The following ATP6V1E1 variants were observed in gnomAD, a reference collection of about 807,000 sequenced individuals.
ATP6V1E1 encodes V-type proton ATPase subunit E 1.
Under a neutral mutation model 35.2 loss-of-function variants are expected in ATP6V1E1, and 21 were observed. The observed-to-expected ratio is 0.60, with a 90% CI of 0.42 to 0.86. ATP6V1E1 has a LOEUF of 0.86. ATP6V1E1 is among the 40% of genes least tolerant of loss of function. The pLI is 0.00. For synonymous variants in ATP6V1E1, 83 were observed against 87.8 expected, an observed-to-expected ratio of 0.95 and a Z score of 0.30; for missense variants, 183 against 272.6, an observed-to-expected ratio of 0.67 and a Z score of 2.32.
In ATP6V1E1 at chr22:17,592,597, C is replaced by T. The variant is rs891312316; in HGVS notation, c.*77G>A. On this transcript the variant is annotated 3_prime_UTR_variant, in exon 9 of 9. Transcript: ENST00000253413. ...GGCAGTGAAGAGGAAGCTACAGAGACATTCGTGTTTCTTCAAATATCAGAA... is the reference window on the plus strand; with the variant it reads ...GGCAGTGAAGAGGAAGCTACAGAGATATTCGTGTTTCTTCAAATATCAGAA... The T allele has an allele frequency of 2.1e-6, 3 of 1,424,674 alleles. No individual in the cohort carries two copies. The highest frequency in any genetic ancestry group is 2.0e-6 in the Non-Finnish European group (2 of 1,008,842). 88.3% of individuals were successfully genotyped at this position (1,424,674 alleles called of 1,614,324 possible). A position where few individuals can be genotyped will look rare whatever the true frequency, so the allele number is the denominator to read the frequency against.
At chr22:17,613,359 G>A in intron 2 of ATP6V1E1, 39 bp from the exon 3 acceptor site, 1 of 1,561,524 alleles carries the variant, frequency 6.4e-7, no homozygotes, top group South Asian at 1.1e-5. Context: ...ATTACATCAA[G>A]TTTTGATTAA....
chr22:17,627,301 G>T (rs2057916149), intron 1 of ATP6V1E1, among the ~76,000 whole-genome samples: 1 of 150,602 alleles, frequency 6.6e-6, no homozygotes, highest in African/African-American at 2.4e-5. Context: ...CTAATTTTTT[G>T]TATTTTTAAT....
chr22:17,596,550 C>T (rs5992750), intron 7 of ATP6V1E1, among the ~76,000 whole-genome samples: 15,777 of 151,990 alleles, frequency 0.1, 2,024 homozygotes, highest in African/African-American at 0.3. Flanking sequence ...CAATCTTGAA[C>T]TTTCCAGCCA....
chr22:17,601,652 G>C (rs573949048), intron 4 of ATP6V1E1, among the ~76,000 whole-genome samples: 214 of 152,308 alleles, frequency 1.4e-3, no homozygotes, highest in African/African-American at 5.0e-3. Flanking sequence ...TTCTAACCCA[G>C]GCTGGAGTGC....
chr22:17,624,671 A>G (rs996379350), intron 1 of ATP6V1E1, among the ~76,000 whole-genome samples: 1 of 152,044 alleles, frequency 6.6e-6, no homozygotes, highest in African/African-American at 2.4e-5. Flanking sequence ...ATACAAAAAA[A>G]TTATCCGGGT....
At chr22:17,619,079 G>C (rs1324338914) in intron 2 of ATP6V1E1, 2 of 456,032 alleles carry the variant, frequency 4.4e-6, no homozygotes, top group Non-Finnish European at 8.7e-6. Flanking sequence ...GGATCACAAG[G>C]TCAAGAGATT....
At chr22:17,619,980 T>C (rs183970635) in intron 1 of ATP6V1E1, among the ~76,000 whole-genome samples, 24 of 152,262 alleles carry the variant, frequency 1.6e-4, no homozygotes, top group Non-Finnish European at 1.9e-4. Context: ...TATCTATACT[T>C]ACTCTTTCAA....
At chr22:17,610,536 C>A (rs1482617529) in intron 4 of ATP6V1E1, among the ~76,000 whole-genome samples, 1 of 152,134 alleles carries the variant, frequency 6.6e-6, no homozygotes, top group Non-Finnish European at 1.5e-5. Flanking sequence ...AAATAAAAAA[C>A]CTAATTATAA....
At chr22:17,627,887 T>C (rs1440865377) in intron 1 of ATP6V1E1, among the ~76,000 whole-genome samples, 3 of 150,376 alleles carry the variant, frequency 2.0e-5, no homozygotes, top group Admixed American at 2.0e-4. Flanking sequence ...AAAACACTGG[T>C]TGGAAGCAGG....
At chr22:17,625,951 A>G (rs2057902180) in intron 1 of ATP6V1E1, among the ~76,000 whole-genome samples, 2 of 151,922 alleles carry the variant, frequency 1.3e-5, no homozygotes, top group South Asian at 4.1e-4. Flanking sequence ...TTTTTCCCAT[A>G]AACTCTGATA....
intron 7 of ATP6V1E1, 156 bp from the exon 8 acceptor site, chr22:17,594,772 G>A (rs1189465678): frequency 3.8e-6 from 2 of 529,548 alleles, no homozygotes; most frequent in African/African-American, 2.0e-5. Flanking sequence ...TTCTGAAGAT[G>A]TAACGCACAG....
chr22:17,625,131 C>G (rs1273753230), intron 1 of ATP6V1E1, among the ~76,000 whole-genome samples: 1 of 152,152 alleles, frequency 6.6e-6, no homozygotes, highest in Non-Finnish European at 1.5e-5. Flanking sequence ...TCCATAGATA[C>G]TAATTTTGTC....
intron 4 of ATP6V1E1, among the ~76,000 whole-genome samples, chr22:17,606,516 A>G (rs558070931): frequency 6.6e-6 from 1 of 152,328 alleles, no homozygotes; most frequent in African/African-American, 2.4e-5. Flanking sequence ...AGAATAACTG[A>G]AATTACATAA....
chr22:17,620,979 G>A (rs984126877), intron 1 of ATP6V1E1, among the ~76,000 whole-genome samples: 24 of 151,874 alleles, frequency 1.6e-4, no homozygotes, highest in African/African-American at 4.3e-4. Flanking sequence ...GGAGAATGGC[G>A]TGAACCCGGG....
rs752535254 is a variant in ATP6V1E1, at chr22:17,601,197, A to C, written c.277-16T>G. 9 of 1,608,482 alleles carry C rather than the reference A, an allele frequency of 5.6e-6. No homozygotes were observed. The Admixed American group carries it at 1.5e-4, about 27-fold the overall frequency. ...TTAGTAGGTCCTACAAAGATTAGAA[A>C]AGATAAAAGTTATCTACACATCTGG... On this transcript the variant is annotated splice_polypyrimidine_tract_variant and intron_variant, in intron 4 of 8. Coordinates refer to ENST00000253413, the MANE Select transcript of ATP6V1E1 (RefSeq NM_001696.4).
intron 4 of ATP6V1E1, among the ~76,000 whole-genome samples, chr22:17,601,967 C>T (rs1384820950): frequency 6.6e-6 from 1 of 152,148 alleles, no homozygotes; most frequent in African/African-American, 2.4e-5. Flanking sequence ...TGCAGTGATA[C>T]AATCATGGCT....
intron 7 of ATP6V1E1, 66 bp downstream of exon 7, chr22:17,598,128 G>A (rs2146296474): frequency 7.2e-6 from 9 of 1,242,832 alleles, no homozygotes; most frequent in South Asian, 6.1e-5. Context: ...ATTTAAAAAA[G>A]GCCTGGTATA....
At chr22:17,613,983 C>G (rs913367538) in intron 2 of ATP6V1E1, among the ~76,000 whole-genome samples, 2 of 150,882 alleles carry the variant, frequency 1.3e-5, no homozygotes, top group African/African-American at 4.9e-5. Flanking sequence ...AAACAAAGAT[C>G]CAGATTACTG....
chr22:17,627,469 G>C (rs1307325801), intron 1 of ATP6V1E1, among the ~76,000 whole-genome samples: 2 of 151,924 alleles, frequency 1.3e-5, no homozygotes, highest in African/African-American at 4.8e-5. Flanking sequence ...ACATTAGTGG[G>C]AGACCAATCA....
Sources: gnomAD v4.1 joint callset for allele counts (sites outside exome capture counted in the v4.1 genomes callset) on GRCh38, gnomAD v4.1.1 for gene constraint, MANE v1.5 for transcripts, NCBI Gene and HGNC (gene_info 2026-07-23, HGNC 2026-07-21) for gene names.